The following CACNA2D1 variants were observed in gnomAD, a reference collection of about 807,000 sequenced individuals.
CACNA2D1 encodes the protein voltage-dependent calcium channel subunit alpha-2/delta-1.
In CACNA2D1, 53 loss-of-function variants were observed where a neutral mutation model predicts 171.5. The observed-to-expected ratio is 0.31, with a 90% CI of 0.25 to 0.39. CACNA2D1 has a LOEUF of 0.39. Ranked by LOEUF, CACNA2D1 falls within the 10% of genes least tolerant of loss-of-function variation. CACNA2D1 has a pLI of 1.00. For synonymous variants in CACNA2D1, 442 were observed against 443.1 expected (o/e 1.00, Z 0.03); for missense variants, 903 against 1,299.8 (o/e 0.69, Z 4.69).
At chr7:81,967,089 A>AT (rs1180439395) in intron 31 of CACNA2D1, 80 bp downstream of exon 31, 2 of 1,019,672 alleles carry the variant, frequency 2.0e-6, no homozygotes, top group Non-Finnish European at 1.5e-6. Context: ...ATTCCTGCAT[A>AT]TTTTTTCATC....
intron 2 of CACNA2D1, 64 bp from the exon 3 acceptor site, chr7:82,335,315 T>C (rs1406396412): frequency 1.1e-5 from 10 of 910,024 alleles, no homozygotes; most frequent in South Asian, 4.0e-5. Context: ...CAAGTTCCCA[T>C]TGGAATGTAT....
chr7:82,244,125 T>C (rs1286423135), intron 3 of CACNA2D1, among the ~76,000 whole-genome samples: 1 of 152,180 alleles, frequency 6.6e-6, no homozygotes, highest in Non-Finnish European at 1.5e-5. Flanking sequence ...TATTATTTCT[T>C]CAAAGACATT....
intron 1 of CACNA2D1, among the ~76,000 whole-genome samples, chr7:82,356,126 C>A (rs953382534): frequency 6.7e-5 from 10 of 150,044 alleles, no homozygotes; most frequent in African/African-American, 2.5e-4. Context: ...TTATTTTATA[C>A]CATCTCTATG....
At position 81,964,339 on chromosome 7, in the gene CACNA2D1, C is replaced by G; in HGVS notation, c.2595G>C (p.Glu865Asp). The G allele has an allele frequency of 6.2e-7, 1 of 1,611,864 alleles. No individual in the cohort carries two copies. Among genetic ancestry groups the G allele is most frequent in the East Asian group, 2.2e-5 (1 of 44,774 alleles). ...GGTGTCTCATCAAGCTGGGATCAAT[C>G]TCTCCAAAAAATCTTCCAATCTGGT... ...YTNQIGRFFG[E>D]IDPSLMRHLV... Residue 865 changes from glutamate to aspartate, a missense_variant, in exon 33 of 39, where the codon GAG becomes GAC. Physicochemically the swap from Glu to Asp is conservative, Grantham distance 45. This residue lies in a region of CACNA2D1 where 623 missense variants were observed against 925.5 expected (regional missense o/e 0.67). Transcript: ENST00000356860.
At chr7:82,095,884 A>G (rs1811800118) in intron 6 of CACNA2D1, among the ~76,000 whole-genome samples, 1 of 152,162 alleles carries the variant, frequency 6.6e-6, no homozygotes, top group Admixed American at 6.5e-5. Context: ...TTTTTAGTTT[A>G]ACTTCAAGTT....
chr7:81,959,893 A>C lies in CACNA2D1; in HGVS notation c.2967-64T>G, dbSNP rs772024825. The C allele has an allele frequency of 5.7e-5, 89 of 1,557,010 alleles. 1 individual carries two copies. The Middle Eastern group carries it at 8.6e-4, about 15-fold the overall frequency. On this transcript the variant is annotated intron_variant, in intron 36 of 38. Coordinates refer to ENST00000356860, the MANE Select transcript of CACNA2D1 (RefSeq NM_000722.4). ...TTTCCAAAATAAATGGAAATCTTTC[A>C]AAGATTCTTACATATTAAAATGAAA...
chr7:82,421,220 A>G (rs1828688133), intron 1 of CACNA2D1, among the ~76,000 whole-genome samples: 1 of 152,212 alleles, frequency 6.6e-6, no homozygotes, highest in Non-Finnish European at 1.5e-5. Flanking sequence ...GCATTCTTTC[A>G]AAACCTGCTC....
At chr7:81,955,280 A>C (rs2130045519) in intron 38 of CACNA2D1, among the ~76,000 whole-genome samples, 1 of 152,258 alleles carries the variant, frequency 6.6e-6, no homozygotes, top group South Asian at 2.1e-4. Flanking sequence ...GCTTGTGAGC[A>C]GAACCTAATC....
intron 3 of CACNA2D1, among the ~76,000 whole-genome samples, chr7:82,314,712 C>T (rs1390233526): frequency 6.6e-6 from 1 of 152,210 alleles, no homozygotes; most frequent in East Asian, 1.9e-4. Context: ...TTTTCAACAG[C>T]AGCCCTTCTC....
At chr7:82,378,233 C>CA (rs1348718570) in intron 1 of CACNA2D1, among the ~76,000 whole-genome samples, 5 of 151,828 alleles carry the variant, frequency 3.3e-5, no homozygotes, top group Middle Eastern at 3.4e-3. Context: ...CCTGTCTCTA[C>CA]AAAAAAATGT....
chr7:82,147,650 C>T (rs1793300377), intron 4 of CACNA2D1, among the ~76,000 whole-genome samples: 1 of 152,154 alleles, frequency 6.6e-6, no homozygotes, highest in Admixed American at 6.5e-5. Context: ...TATATGATGT[C>T]TTAGCAAGAG....
intron 3 of CACNA2D1, among the ~76,000 whole-genome samples, chr7:82,251,077 CTTT>C: frequency 6.6e-6 from 1 of 152,276 alleles, no homozygotes; most frequent in South Asian, 2.1e-4. Flanking sequence ...CAAAAATCTT[CTTT>C]AAGCAAGGGA....
intron 3 of CACNA2D1, among the ~76,000 whole-genome samples, chr7:82,325,712 G>T (rs1816567068): frequency 6.6e-6 from 1 of 152,196 alleles, no homozygotes; most frequent in African/African-American, 2.4e-5. Context: ...AAGATTAGAT[G>T]AGTTAATGTT....
At chr7:82,218,624 G>A (rs995454721) in intron 3 of CACNA2D1, among the ~76,000 whole-genome samples, 13 of 152,092 alleles carry the variant, frequency 8.5e-5, no homozygotes, top group African/African-American at 3.1e-4. Flanking sequence ...ACAGAACCAA[G>A]ATGAGTGATC....
intron 21 of CACNA2D1, among the ~76,000 whole-genome samples, chr7:81,988,270 C>CA (rs1180303511): frequency 6.6e-6 from 1 of 151,926 alleles, no homozygotes; most frequent in Non-Finnish European, 1.5e-5. Flanking sequence ...CAAGTTAATC[C>CA]AAAAATTGAA....
chr7:82,375,286 C>T (rs1247932986), intron 1 of CACNA2D1, among the ~76,000 whole-genome samples: 2 of 152,170 alleles, frequency 1.3e-5, no homozygotes, highest in East Asian at 1.9e-4. Context: ...GTGGAGAATG[C>T]AGTCACTGGT....
intron 1 of CACNA2D1, among the ~76,000 whole-genome samples, chr7:82,435,115 A>C (rs1440922404): frequency 1.4e-5 from 2 of 141,508 alleles, no homozygotes; most frequent in African/African-American, 5.3e-5. Flanking sequence ...GGCTCACTGC[A>C]ACATCCGCCT....
chr7:82,237,237 A>G (rs1278422476), intron 3 of CACNA2D1, among the ~76,000 whole-genome samples: 4 of 149,436 alleles, frequency 2.7e-5, no homozygotes, highest in Non-Finnish European at 6.0e-5. Context: ...ATTTCAAAAT[A>G]CTAAACTAAT....
chr7:82,423,125 C>T (rs1346739886), intron 1 of CACNA2D1, among the ~76,000 whole-genome samples: 3 of 151,984 alleles, frequency 2.0e-5, no homozygotes, highest in Non-Finnish European at 2.9e-5. Context: ...TTTGTACTTT[C>T]GCAGACACTC....
Sources: gnomAD v4.1 joint callset for allele counts (sites outside exome capture counted in the v4.1 genomes callset) on GRCh38, gnomAD v4.1.1 for gene constraint, gnomAD v4.1.1 regional missense constraint, MANE v1.5 for transcripts, NCBI Gene and HGNC (gene_info 2026-07-23, HGNC 2026-07-21) for gene names.